The following FAM168B variants were observed in gnomAD, a reference collection of about 807,000 sequenced individuals.
FAM168B encodes the protein family with sequence similarity 168 member B.
Under a neutral mutation model 21.8 loss-of-function variants are expected in FAM168B, and 19 were observed. That is an observed-to-expected ratio of 0.87 (90% CI 0.61 to 1.28). The LOEUF (loss-of-function observed/expected upper bound fraction) is 1.28, where lower values mean the gene tolerates loss of function less well. Among genes scored for constraint, FAM168B ranks in the 50% most tolerant of loss-of-function variants. The pLI is 0.00. For missense variants in FAM168B, 233 were observed against 263.1 expected (o/e 0.89, Z 0.79); for synonymous variants, 126 against 104.8 (o/e 1.20, Z -1.24).
rs549206788 is a variant in FAM168B at position 131,082,440 on chromosome 2, AT to A, written c.70+136del. ...TGACCAAATCCAGTCCTATCATTTG[AT>A]TTTTCACTTCCAGGTATTTTCTTTC... is the stretch of plus-strand genomic sequence containing the variant. On this transcript the variant is annotated intron_variant, in intron 2 of 6. Transcript: ENST00000389915. 326 of 625,124 alleles carry A rather than the reference AT, an allele frequency of 5.2e-4. 2 individuals carry two copies. In the Middle Eastern group the frequency reaches 0.011, roughly 21 times the overall value. 38.7% of individuals were successfully genotyped at this position (625,124 alleles called of 1,614,324 possible).
At chr2:131,062,941 C>G (rs575398039) in intron 3 of FAM168B, among the ~76,000 whole-genome samples, 2 of 152,260 alleles carry the variant, frequency 1.3e-5, no homozygotes, top group South Asian at 4.1e-4. Context: ...TGTGCATGCT[C>G]AAGTTATTGA....
chr2:131,064,901 AGGTTTAATTAATGCTAT>A, intron 3 of FAM168B, among the ~76,000 whole-genome samples: 1 of 152,334 alleles, frequency 6.6e-6, no homozygotes, highest in East Asian at 1.9e-4. Context: ...GGGTAGCTGG[AGGTTTAATTAATGCTAT>A]GGTCACAGAA....
intron 1 of FAM168B, among the ~76,000 whole-genome samples, chr2:131,088,755 A>C (rs919436087): frequency 6.6e-6 from 1 of 152,244 alleles, no homozygotes; most frequent in Admixed American, 6.5e-5. Context: ...AAATGCTAAT[A>C]ATCTTTACAT....
At chr2:131,072,166 CAGGCTGG>C (rs1692906765) in intron 2 of FAM168B, among the ~76,000 whole-genome samples, 1 of 152,212 alleles carries the variant, frequency 6.6e-6, no homozygotes, top group Admixed American at 6.5e-5. Context: ...TTTCATCGCC[CAGGCTGG>C]AGTGCAATGG....
At chr2:131,085,314 A>G (rs1693634010) in intron 1 of FAM168B, among the ~76,000 whole-genome samples, 1 of 152,138 alleles carries the variant, frequency 6.6e-6, no homozygotes, top group African/African-American at 2.4e-5. Context: ...ACAAAACACA[A>G]AATGTGCATT....
intron 1 of FAM168B, among the ~76,000 whole-genome samples, chr2:131,085,625 C>T (rs1693654194): frequency 6.6e-6 from 1 of 152,220 alleles, no homozygotes; most frequent in African/African-American, 2.4e-5. Context: ...TAGGTCACAT[C>T]CTTAGCCTCT....
intron 3 of FAM168B, among the ~76,000 whole-genome samples, chr2:131,059,246 T>G (rs957296549): frequency 1.3e-5 from 2 of 152,064 alleles, no homozygotes; most frequent in African/African-American, 4.8e-5. Context: ...ACCACCAACA[T>G]AGCAGCATTT....
chr2:131,054,849 C>T (rs377268705), intron 5 of FAM168B, among the ~76,000 whole-genome samples: 1 of 152,148 alleles, frequency 6.6e-6, no homozygotes, highest in African/African-American at 2.4e-5. Context: ...CTTCTATCAA[C>T]GCAAGACCAG....
chr2:131,080,930 A>G (rs1472483127), intron 2 of FAM168B, among the ~76,000 whole-genome samples: 1 of 151,892 alleles, frequency 6.6e-6, no homozygotes, highest in African/African-American at 2.4e-5. Context: ...TCGGCCTCCC[A>G]AAGTGCTGGG....
At chr2:131,062,588 C>T (rs944030095) in intron 3 of FAM168B, among the ~76,000 whole-genome samples, 1 of 152,244 alleles carries the variant, frequency 6.6e-6, no homozygotes, top group East Asian at 1.9e-4. Flanking sequence ...GCTGGGATTA[C>T]AAGCGTGCAC....
At chr2:131,067,315 T>A (rs1309007183) in intron 3 of FAM168B, among the ~76,000 whole-genome samples, 5 of 152,316 alleles carry the variant, frequency 3.3e-5, no homozygotes, top group African/African-American at 9.6e-5. Context: ...GGAATCCTCT[T>A]ATATCACAAT....
chr2:131,072,801 A>G (rs1692942594), intron 2 of FAM168B, among the ~76,000 whole-genome samples: 1 of 152,274 alleles, frequency 6.6e-6, no homozygotes, highest in African/African-American at 2.4e-5. Flanking sequence ...CTCTAATCAC[A>G]TAATTACTTA....
intron 3 of FAM168B, among the ~76,000 whole-genome samples, chr2:131,066,241 GACTC>G (rs2105502665): frequency 1.3e-5 from 2 of 148,312 alleles, no homozygotes; most frequent in East Asian, 4.0e-4. Context: ...TCTCGATCTC[GACTC>G]ACTCACTGCA....
intron 3 of FAM168B, among the ~76,000 whole-genome samples, chr2:131,069,849 C>A (rs965737588): frequency 6.6e-6 from 1 of 150,456 alleles, no homozygotes; most frequent in South Asian, 2.1e-4. Context: ...AAACGACTAA[C>A]CCTCATCAAA....
intron 2 of FAM168B, among the ~76,000 whole-genome samples, chr2:131,075,842 C>T (rs560285376): frequency 1.3e-5 from 2 of 152,168 alleles, no homozygotes; most frequent in Admixed American, 1.3e-4. Context: ...CAAACACACA[C>T]GATAGTATTT....
chr2:131,086,379 G>C (rs1363394705), intron 1 of FAM168B, among the ~76,000 whole-genome samples: 1 of 152,134 alleles, frequency 6.6e-6, no homozygotes, highest in Non-Finnish European at 1.5e-5. Flanking sequence ...ATCTGGAAAA[G>C]CGCTGTCCAA....
In FAM168B at chr2:131,052,056, C is replaced by CATTA. The variant is rs2105449196; in HGVS notation, c.*405_*408dup. ...AGACTTTGCATACATTACAACAGTGCATTAGTGATACAAGTTGTAAAATAC... is the reference window on the plus strand; with the variant it reads ...AGACTTTGCATACATTACAACAGTGCATTAATTAGTGATACAAGTTGTAAAATAC... On this transcript the variant is annotated 3_prime_UTR_variant, in exon 7 of 7. Transcript: ENST00000389915. 1 of 985,776 alleles carries CATTA rather than the reference C, an allele frequency of 1.0e-6. No individual in the cohort carries two copies. Among genetic ancestry groups the CATTA allele is most frequent in the African/African-American group, 1.7e-5 (1 of 57,380 alleles). 61.1% of individuals were successfully genotyped at this position (985,776 alleles called of 1,614,324 possible).
intron 1 of FAM168B, among the ~76,000 whole-genome samples, chr2:131,084,929 G>A (rs1693608043): frequency 6.6e-6 from 1 of 151,960 alleles, no homozygotes; most frequent in Non-Finnish European, 1.5e-5. Flanking sequence ...CACTCAGTTT[G>A]GTCTTGAACT....
intron 2 of FAM168B, among the ~76,000 whole-genome samples, chr2:131,078,450 G>A (rs1016857744): frequency 2.0e-5 from 3 of 152,132 alleles, no homozygotes; most frequent in East Asian, 1.9e-4. Flanking sequence ...AGACTGAAAT[G>A]GTCTAAAACA....
Sources: gnomAD v4.1 joint callset for allele counts (sites outside exome capture counted in the v4.1 genomes callset) on GRCh38, gnomAD v4.1.1 for gene constraint, MANE v1.5 for transcripts, NCBI Gene and HGNC (gene_info 2026-07-23, HGNC 2026-07-21) for gene names.